PTPRN2: variants seen among roughly 807,000 people sequenced by gnomAD.
The protein encoded by PTPRN2 is protein tyrosine phosphatase receptor type N2.
Under a neutral mutation model 118.8 loss-of-function variants are expected in PTPRN2, and 74 were observed. The ratio of observed to expected loss-of-function variants is 0.62; its 90% confidence interval spans 0.52 to 0.76. The LOEUF (loss-of-function observed/expected upper bound fraction) is 0.76, where lower values mean the gene tolerates loss of function less well. Among genes scored for constraint, PTPRN2 ranks in the 30% least tolerant of loss-of-function variants. The probability of loss-of-function intolerance (pLI) is 0.00; values close to 1 mark genes in which losing one functional copy is unlikely to be tolerated. For synonymous variants in PTPRN2, 641 were observed against 608.0 expected (o/e 1.05, Z -0.80); for missense variants, 1,481 against 1,394.4 (o/e 1.06, Z -0.99).
chr7:158,235,337 T>C (rs1829462871), intron 3 of PTPRN2, among the ~76,000 whole-genome samples: 2 of 151,954 alleles, frequency 1.3e-5, no homozygotes, highest in Admixed American at 1.3e-4. Flanking sequence ...AAATATGGAG[T>C]CGACCTAAGT....
intron 2 of PTPRN2, among the ~76,000 whole-genome samples, chr7:158,405,405 C>A (rs1348289722): frequency 3.9e-5 from 6 of 152,206 alleles, no homozygotes; most frequent in Admixed American, 3.3e-4. Flanking sequence ...CCATTTAAAA[C>A]CTCTGAAAAT....
chr7:158,454,274 G>A (rs1409701480), intron 2 of PTPRN2, among the ~76,000 whole-genome samples: 1 of 151,702 alleles, frequency 6.6e-6, no homozygotes, highest in African/African-American at 2.4e-5. Context: ...GAGGATTGGG[G>A]ACAGTTGTTA....
chr7:157,734,105 T>C (rs377572286), intron 12 of PTPRN2, among the ~76,000 whole-genome samples: 8 of 62,404 alleles, frequency 1.3e-4, no homozygotes, highest in East Asian at 3.3e-4. Context: ...CCCTTTCCCG[T>C]CCCATGCGCC....
intron 2 of PTPRN2, among the ~76,000 whole-genome samples, chr7:158,477,481 C>T (rs1670342): frequency 0.53 from 80,657 of 151,910 alleles, 21,596 homozygotes; most frequent in East Asian, 0.65. Context: ...TATCCATATA[C>T]GTATAATTCA....
intron 2 of PTPRN2, among the ~76,000 whole-genome samples, chr7:158,340,038 G>A (rs1159513849): frequency 1.4e-5 from 1 of 71,980 alleles, no homozygotes; most frequent in Non-Finnish European, 2.9e-5. Flanking sequence ...GGTGACATAT[G>A]CAGACGTCAC....
At chr7:158,265,291 G>C (rs1175547877) in intron 3 of PTPRN2, among the ~76,000 whole-genome samples, 1 of 152,120 alleles carries the variant, frequency 6.6e-6, no homozygotes, top group Non-Finnish European at 1.5e-5. Flanking sequence ...CCCTGACACA[G>C]ACACGAGCAC....
chr7:158,150,674 A>G (rs1820904002), intron 6 of PTPRN2, among the ~76,000 whole-genome samples: 1 of 151,930 alleles, frequency 6.6e-6, no homozygotes, highest in African/African-American at 2.4e-5. Context: ...CAGGGGGGTC[A>G]CTGAGGTGAG....
intron 10 of PTPRN2, among the ~76,000 whole-genome samples, chr7:158,109,681 G>A (rs1816044535): frequency 6.8e-6 from 1 of 147,966 alleles, no homozygotes; most frequent in African/African-American, 2.5e-5. Context: ...AGTGAGTGAT[G>A]TCACCCCTGT....
At chr7:158,445,690 C>T (rs560266565) in intron 2 of PTPRN2, among the ~76,000 whole-genome samples, 20 of 152,360 alleles carry the variant, frequency 1.3e-4, no homozygotes, top group African/African-American at 4.1e-4. Context: ...AGCTTCCTGC[C>T]GCATCTTGGG....
chr7:157,822,293 A>C (rs1465517770), intron 12 of PTPRN2, among the ~76,000 whole-genome samples: 1 of 151,282 alleles, frequency 6.6e-6, no homozygotes, highest in Non-Finnish European at 1.5e-5. Context: ...TCATGCATCC[A>C]TCCACCCATC....
intron 12 of PTPRN2, among the ~76,000 whole-genome samples, chr7:157,875,667 A>G (rs1795715881): frequency 6.6e-6 from 1 of 152,126 alleles, no homozygotes; most frequent in Non-Finnish European, 1.5e-5. Flanking sequence ...TGGTGGCTGC[A>G]GCAGCAGCAG....
chr7:157,576,521 G>A, intron 19 of PTPRN2, 92 bp downstream of exon 19: 3 of 1,304,440 alleles, frequency 2.3e-6, no homozygotes, highest in Non-Finnish European at 1.0e-6. Context: ...CGCGGCCCTC[G>A]GCGCCAGGGG....
chr7:158,075,536 A>G (rs972661223), intron 11 of PTPRN2, among the ~76,000 whole-genome samples: 73 of 152,250 alleles, frequency 4.8e-4, no homozygotes, highest in African/African-American at 1.7e-3. Flanking sequence ...ACGGGCACTG[A>G]GCCTGCGGGG....
chr7:158,165,295 G>A (rs1018909138), intron 6 of PTPRN2, among the ~76,000 whole-genome samples: 12 of 152,238 alleles, frequency 7.9e-5, no homozygotes, highest in Admixed American at 3.3e-4. Context: ...TAGAACAGAG[G>A]AGACGTCGTC....
intron 12 of PTPRN2, among the ~76,000 whole-genome samples, chr7:157,746,656 C>T (rs1481589859): frequency 2.6e-5 from 4 of 151,512 alleles, no homozygotes; most frequent in Non-Finnish European, 5.9e-5. Flanking sequence ...CTATACACCC[C>T]ACAGTCTTCA....
At chr7:157,853,286 C>T (rs1341382120) in intron 12 of PTPRN2, among the ~76,000 whole-genome samples, 2 of 152,130 alleles carry the variant, frequency 1.3e-5, no homozygotes, top group African/African-American at 4.8e-5. Context: ...GGGCCTGCAA[C>T]GGAAAGGCCT....
chr7:157,741,752 A>C (rs923417697), intron 12 of PTPRN2, among the ~76,000 whole-genome samples: 1 of 152,116 alleles, frequency 6.6e-6, no homozygotes, highest in African/African-American at 2.4e-5. Context: ...GGGAAGAAGG[A>C]TGTTGTGGAC....
chr7:157,579,614 T>TG (rs1407049534), intron 17 of PTPRN2, among the ~76,000 whole-genome samples: 3 of 152,236 alleles, frequency 2.0e-5, no homozygotes, highest in Admixed American at 2.0e-4. Context: ...CCCCGTCGAC[T>TG]GGGGGGACCC....
chr7:158,136,724 C>A (rs1818855261), intron 7 of PTPRN2, 29 bp from the exon 8 acceptor site: 2 of 1,611,070 alleles, frequency 1.2e-6, no homozygotes, highest in African/African-American at 1.3e-5. Flanking sequence ...TTACCAAGAC[C>A]CTCATCAAGA....
Sources: gnomAD v4.1 joint callset for allele counts (sites outside exome capture counted in the v4.1 genomes callset) on GRCh38, gnomAD v4.1.1 for gene constraint, MANE v1.5 for transcripts, NCBI Gene and HGNC (gene_info 2026-07-23, HGNC 2026-07-21) for gene names.